Variants in OC90 observed in about 807,000 individuals in gnomAD.
OC90 encodes the protein otoconin-90.
A neutral mutation model predicts 47.3 loss-of-function variants in OC90; 46 were observed. That is an observed-to-expected ratio of 0.97 (90% CI 0.77 to 1.24). OC90 has a LOEUF of 1.24. OC90 is among the 50% of genes most tolerant of loss of function. The pLI is 0.00. For missense variants in OC90, 688 were observed against 583.9 expected (o/e 1.18, Z -1.84); for synonymous variants, 271 against 219.5 (o/e 1.23, Z -2.07).
intron 10 of OC90, 80 bp downstream of exon 10, chr8:132,034,701 C>CCA: frequency 1.0e-6 from 1 of 962,100 alleles, no homozygotes. Flanking sequence ...ATTTGGAACC[C>CCA]AGTTGATATC....
intron 6 of OC90, among the ~76,000 whole-genome samples, chr8:132,039,889 C>T (rs1823028224): frequency 6.6e-6 from 1 of 152,122 alleles, no homozygotes; most frequent in Admixed American, 6.5e-5. Flanking sequence ...AGAGAACCCC[C>T]CCTTTCCCTC....
intron 2 of OC90, among the ~76,000 whole-genome samples, chr8:132,051,301 TCTC>T (rs1383316272): frequency 2.6e-5 from 4 of 152,182 alleles, no homozygotes; most frequent in Non-Finnish European, 5.9e-5. Context: ...TTTTCTCTGT[TCTC>T]CTTTTTTGAA....
intron 7 of OC90, 51 bp downstream of exon 7, chr8:132,038,944 C>G: frequency 6.2e-7 from 1 of 1,613,520 alleles, no homozygotes; most frequent in Non-Finnish European, 8.5e-7. Flanking sequence ...CCCAAACCAG[C>G]TGCTGTCCAG....
At chr8:132,038,169 G>A (rs918877223) in intron 8 of OC90, among the ~76,000 whole-genome samples, 3 of 152,156 alleles carry the variant, frequency 2.0e-5, no homozygotes, top group African/African-American at 7.2e-5. Flanking sequence ...GCATAAACCT[G>A]ACTCCCATTT....
chr8:132,028,600 AG>A (rs1822804937), intron 13 of OC90, among the ~76,000 whole-genome samples: 2 of 32,654 alleles, frequency 6.1e-5, no homozygotes, highest in Non-Finnish European at 1.4e-4. Flanking sequence ...GGAAGGAAGG[AG>A]GGAAGGAGGG....
intron 2 of OC90, among the ~76,000 whole-genome samples, chr8:132,050,288 G>A (rs1217658157): frequency 6.6e-6 from 1 of 152,300 alleles, no homozygotes; most frequent in African/African-American, 2.4e-5. Context: ...CCTCAGAGGG[G>A]TAAGTTGTGG....
At chr8:132,052,556 G>C (rs1036037468) in intron 2 of OC90, among the ~76,000 whole-genome samples, 1 of 152,112 alleles carries the variant, frequency 6.6e-6, no homozygotes, top group African/African-American at 2.4e-5. Flanking sequence ...TTACTTTCAG[G>C]ATATAGACTC....
intron 6 of OC90, 40 bp downstream of exon 6, chr8:132,041,004 T>C (rs750693059): frequency 7.9e-7 from 1 of 1,260,058 alleles, no homozygotes; most frequent in Non-Finnish European, 1.2e-6. Context: ...TGGACTGTCA[T>C]TTCTGGGCCC....
intron 9 of OC90, among the ~76,000 whole-genome samples, chr8:132,036,191 C>T (rs1250605758): frequency 2.0e-5 from 3 of 152,172 alleles, no homozygotes; most frequent in Non-Finnish European, 4.4e-5. Flanking sequence ...TGCTGAGTGA[C>T]TTGCAACTTT....
rs1822723209 is a variant in OC90, at chr8:132,024,454, A to T, written c.*27T>A. The T allele has an allele frequency of 6.6e-7, 1 of 1,505,380 alleles. No individual in the cohort carries two copies. The highest frequency in any genetic ancestry group is 1.4e-5 in the African/African-American group (1 of 71,532). The allele number at this position is 1,505,380 out of a possible 1,614,324, so 93.3% of individuals were successfully genotyped here. ...AGGTGGAGCAGGAGCCACGCTACTG[A>T]AGGTGTTAGCCATTTTCTCTGGGCA... On this transcript the variant is annotated 3_prime_UTR_variant, in exon 14 of 14. Transcript: ENST00000254627.
At chr8:132,035,891 C>G (rs1001514338) in intron 9 of OC90, among the ~76,000 whole-genome samples, 10 of 152,202 alleles carry the variant, frequency 6.6e-5, no homozygotes, top group African/African-American at 2.4e-4. Context: ...GAATGATATG[C>G]TGGCACATAG....
At chr8:132,050,664 C>T (rs1321268112) in intron 2 of OC90, among the ~76,000 whole-genome samples, 1 of 152,110 alleles carries the variant, frequency 6.6e-6, no homozygotes, top group Non-Finnish European at 1.5e-5. Context: ...ATTGTATCTG[C>T]CTGGCAAGAT....
intron 2 of OC90, among the ~76,000 whole-genome samples, chr8:132,048,257 T>C (rs1180433517): frequency 6.6e-6 from 1 of 152,180 alleles, no homozygotes; most frequent in Non-Finnish European, 1.5e-5. Flanking sequence ...TTCAAATATG[T>C]CAGTGGGAAA....
intron 2 of OC90, chr8:132,049,842 C>G (rs759664597): frequency 5.8e-6 from 3 of 518,306 alleles, no homozygotes. Flanking sequence ...TGTAATGTAT[C>G]ACAGATGATA....
chr8:132,042,379 T>A (rs552641650), intron 4 of OC90, among the ~76,000 whole-genome samples: 180 of 152,230 alleles, frequency 1.2e-3, no homozygotes, highest in Admixed American at 2.2e-3. Flanking sequence ...GTTATTTTTT[T>A]AAAAAAATCA....
At chr8:132,039,537 G>A (rs1489232086) in intron 6 of OC90, among the ~76,000 whole-genome samples, 2 of 152,212 alleles carry the variant, frequency 1.3e-5, no homozygotes, top group South Asian at 2.1e-4. Flanking sequence ...GTCCAACCAT[G>A]CCTTTATTCT....
At position 132,037,323 on chromosome 8, in the gene OC90, C is replaced by A. The variant is rs755964989; in HGVS notation, c.679+115G>T. ...CATGAATAGTTTCACACCATCCCTT[C>A]GGTGCTGTTCTTGTGATAGTGAGTT... is the stretch of plus-strand genomic sequence containing the variant. On this transcript the variant is annotated intron_variant, in intron 9 of 13. Transcript: ENST00000254627. The A allele has an allele frequency of 7.0e-6, 6 of 853,548 alleles. No individual in the cohort carries two copies. In the South Asian group the frequency reaches 8.7e-5, roughly 12 times the overall value. 52.9% of individuals were successfully genotyped at this position (853,548 alleles called of 1,614,324 possible).
intron 7 of OC90, 69 bp downstream of exon 7, chr8:132,038,926 T>C: frequency 6.2e-7 from 1 of 1,611,156 alleles, no homozygotes. Context: ...CATGAAGCAA[T>C]AATTGATCCC....
chr8:132,034,462 G>T (rs528688095), intron 10 of OC90, among the ~76,000 whole-genome samples: 1 of 152,266 alleles, frequency 6.6e-6, no homozygotes, highest in East Asian at 1.9e-4. Context: ...GGAGATCCCA[G>T]AGCCCAGTGT....
Sources: allele counts gnomAD v4.1 joint callset (sites outside exome capture counted in the v4.1 genomes callset), GRCh38; gene constraint gnomAD v4.1.1; transcripts MANE v1.5; gene names NCBI Gene and HGNC (gene_info 2026-07-23, HGNC 2026-07-21).